Variants in NAV2 observed in about 807,000 individuals in gnomAD.
NAV2 encodes the protein neuron navigator 2.
Under a neutral mutation model 223.2 loss-of-function variants are expected in NAV2, and 54 were observed. The observed-to-expected ratio is 0.24, with a 90% CI of 0.19 to 0.30. The LOEUF is 0.30. NAV2 is among the 10% of genes least tolerant of loss of function. NAV2 has a pLI of 1.00. For missense variants in NAV2, 2,806 were observed against 3,147.5 expected (o/e 0.89, Z 2.60); for synonymous variants, 1,279 against 1,239.3 (o/e 1.03, Z -0.67).
intron 1 of NAV2, among the ~76,000 whole-genome samples, chr11:19,394,722 A>G (rs1216865286): frequency 6.6e-6 from 1 of 152,178 alleles, no homozygotes; most frequent in Non-Finnish European, 1.5e-5. Flanking sequence ...AACAGGAGAG[A>G]AGAGTATCTC....
intron 1 of NAV2, among the ~76,000 whole-genome samples, chr11:19,687,187 G>A (rs961536852): frequency 2.6e-4 from 40 of 152,150 alleles, no homozygotes; most frequent in African/African-American, 8.2e-4. Flanking sequence ...CTGGAACAGG[G>A]AGACAGCGCA....
Position 19,885,108 on chromosome 11 carries a change from A to G in NAV2, c.770+4981A>G, listed in dbSNP as rs149242681. 4.3e-4 allele frequency among the ~76,000 whole-genome samples: 65 copies of G among 152,336 alleles called. No individual in the cohort carries two copies. The East Asian group carries it at 9.8e-3, about 23-fold the overall frequency. Reference sequence around the variant, plus strand: ...TTCTACTGTTATTTTCAAGGTATCAACAGCTAACATTTATTGAACGCACCA... The same window carrying G: ...TTCTACTGTTATTTTCAAGGTATCAGCAGCTAACATTTATTGAACGCACCA... On this transcript the variant is annotated intron_variant, in intron 5 of 37. Coordinates refer to ENST00000349880, the MANE Select transcript of NAV2 (RefSeq NM_145117.5).
chr11:20,095,567 C>G (rs1477783014), intron 29 of NAV2, 105 bp from the exon 30 acceptor site: 10 of 756,938 alleles, frequency 1.3e-5, no homozygotes, highest in Non-Finnish European at 2.1e-5. Flanking sequence ...CTTTTATTCC[C>G]CTCTCAAACC....
At chr11:19,712,591 T>C (rs1287888378), upstream of NAV2, 2 of 151,778 alleles carry the variant, frequency 1.3e-5, no homozygotes, top group Non-Finnish European at 2.9e-5. Context: ...AAAAGAAGGG[T>C]TTCAGGAACG....
At chr11:20,030,885 G>A (rs2055656419) in intron 11 of NAV2, among the ~76,000 whole-genome samples, 1 of 152,204 alleles carries the variant, frequency 6.6e-6, no homozygotes, top group South Asian at 2.1e-4. Context: ...GTTATATGCT[G>A]TGTATTCTTT....
chr11:19,576,416 A>G (rs997389400), intron 1 of NAV2, among the ~76,000 whole-genome samples: 3 of 152,208 alleles, frequency 2.0e-5, no homozygotes, highest in African/African-American at 7.2e-5. Flanking sequence ...TTGTTTTTCT[A>G]TTACAAAAAT....
chr11:19,499,204 G>A (rs1034135219), intron 1 of NAV2, among the ~76,000 whole-genome samples: 10 of 152,170 alleles, frequency 6.6e-5, no homozygotes, highest in African/African-American at 1.9e-4. Flanking sequence ...CCTAAATGGC[G>A]AGCAATTAAT....
chr11:20,022,497 G>A (rs1281694237), intron 11 of NAV2: 7 of 969,462 alleles, frequency 7.2e-6, no homozygotes, highest in Non-Finnish European at 8.6e-6. Flanking sequence ...GTGTGTCGTT[G>A]TTAACTGTAC....
chr11:19,767,666 C>T lies in NAV2; in HGVS notation c.267+53704C>T, dbSNP rs541441317. Among the ~76,000 whole-genome samples the T allele has an allele frequency of 4.6e-5, 7 of 152,360 alleles. No individual in the cohort carries two copies. In the East Asian group the frequency reaches 1.3e-3, roughly 29 times the overall value. On this transcript the variant is annotated intron_variant, in intron 1 of 37. Coordinates refer to ENST00000349880, the MANE Select transcript of NAV2 (RefSeq NM_145117.5). ...GCATGCATATCTCACATGGTCCCCACAGCAATCTTGAGAGACAGGCATCAT... is the reference window on the plus strand; with the variant it reads ...GCATGCATATCTCACATGGTCCCCATAGCAATCTTGAGAGACAGGCATCAT...
In NAV2 at chr11:19,989,462, C is replaced by T. The variant is rs144792991; in HGVS notation, c.2768+5215C>T. The stretch of plus-strand genomic sequence containing the variant: ...CCCTGCACATACCCATCATTTTAGC[C>T]CACGAGACCCATGTCAGCTTCTGAC... On this transcript the variant is annotated intron_variant, in intron 11 of 37. Coordinates refer to ENST00000349880, the MANE Select transcript of NAV2 (RefSeq NM_145117.5). Among the ~76,000 whole-genome samples the T allele has an allele frequency of 1.6e-3, 241 of 152,194 alleles. 1 individual carries two copies. Among genetic ancestry groups the T allele is most frequent in the East Asian group, 3.7e-3 (19 of 5,162 alleles).
chr11:20,037,869 T>C (rs1314797894), intron 12 of NAV2, among the ~76,000 whole-genome samples: 1 of 152,080 alleles, frequency 6.6e-6, no homozygotes, highest in Non-Finnish European at 1.5e-5. Flanking sequence ...GCTCATTGTA[T>C]ATTCAAGATA....
chr11:19,716,042 A>G (rs978077692), intron 1 of NAV2, among the ~76,000 whole-genome samples: 1 of 149,734 alleles, frequency 6.7e-6, no homozygotes, highest in African/African-American at 2.5e-5. Flanking sequence ...AGTCTGCCTG[A>G]TAGGGTACCC....
intron 1 of NAV2, among the ~76,000 whole-genome samples, chr11:19,747,588 A>T (rs1442326987): frequency 6.6e-6 from 1 of 152,160 alleles, no homozygotes; most frequent in Non-Finnish European, 1.5e-5. Context: ...GGGATCTAGG[A>T]CTAGGGCTGA....
chr11:20,042,961 A>G (rs2057071031), intron 12 of NAV2, among the ~76,000 whole-genome samples: 1 of 152,156 alleles, frequency 6.6e-6, no homozygotes, highest in South Asian at 2.1e-4. Flanking sequence ...TCTGGGTTTT[A>G]TGGCCAGCAG....
At chr11:19,379,554 G>A (rs938055749) in intron 1 of NAV2, among the ~76,000 whole-genome samples, 2 of 152,172 alleles carry the variant, frequency 1.3e-5, no homozygotes, top group African/African-American at 4.8e-5. Context: ...AAAGGGCAGA[G>A]AAATGGGAGG....
chr11:19,554,208 A>G (rs1468604588), intron 1 of NAV2, among the ~76,000 whole-genome samples: 1 of 152,242 alleles, frequency 6.6e-6, no homozygotes, highest in African/African-American at 2.4e-5. Context: ...TTCAGAAAGC[A>G]ACTCTGATAA....
At chr11:19,627,978 A>T (rs1445199609) in intron 1 of NAV2, among the ~76,000 whole-genome samples, 1 of 151,958 alleles carries the variant, frequency 6.6e-6, no homozygotes, top group Non-Finnish European at 1.5e-5. Context: ...AGCCCATTCC[A>T]CAAGGAGGCA....
intron 1 of NAV2, chr11:19,401,950 T>C (rs1849704872): frequency 2.0e-5 from 3 of 152,198 alleles, no homozygotes; most frequent in Admixed American, 1.3e-4. Flanking sequence ...TCAGACGAGA[T>C]CGGGCGCATT....
intron 1 of NAV2, among the ~76,000 whole-genome samples, chr11:19,490,159 A>G (rs541375817): frequency 1.4e-4 from 21 of 152,320 alleles, no homozygotes; most frequent in South Asian, 1.2e-3. Flanking sequence ...GTGAGTCACA[A>G]TCTTTTTGCT....
Sources: allele counts gnomAD v4.1 joint callset (sites outside exome capture counted in the v4.1 genomes callset), GRCh38; gene constraint gnomAD v4.1.1; transcripts MANE v1.5; gene names NCBI Gene and HGNC (gene_info 2026-07-23, HGNC 2026-07-21).